KIAA1328: variants seen among roughly 807,000 people sequenced by gnomAD.
KIAA1328 encodes KIAA1328, also known as protein hinderin.
Under a neutral mutation model 68.1 loss-of-function variants are expected in KIAA1328, and 52 were observed. That is an observed-to-expected ratio of 0.76 (90% CI 0.61 to 0.96). The LOEUF is 0.96. Among genes scored for constraint, KIAA1328 ranks in the 40% least tolerant of loss-of-function variants. KIAA1328 has a pLI of 0.00. For missense variants in KIAA1328, 641 were observed against 677.6 expected (o/e 0.95, Z 0.60); for synonymous variants, 232 against 239.4 (o/e 0.97, Z 0.28).
intron 7 of KIAA1328, among the ~76,000 whole-genome samples, chr18:37,124,118 C>G (rs900547795): frequency 2.6e-5 from 4 of 152,166 alleles, no homozygotes; most frequent in African/African-American, 9.6e-5. Context: ...CCAGTTTCTT[C>G]TCCAGAATGC....
chr18:36,922,935 T>A (rs1434179721), intron 5 of KIAA1328, among the ~76,000 whole-genome samples: 1 of 152,168 alleles, frequency 6.6e-6, no homozygotes, highest in Non-Finnish European at 1.5e-5. Flanking sequence ...AGGTAATGTT[T>A]GCAAGGTATT....
intron 6 of KIAA1328, among the ~76,000 whole-genome samples, chr18:36,997,954 C>T (rs2151438930): frequency 1.3e-5 from 2 of 152,144 alleles, no homozygotes; most frequent in East Asian, 3.9e-4. Flanking sequence ...CACCCACTGG[C>T]TTAGGTTGTG....
chr18:37,027,854 C>T (rs2054652159), intron 6 of KIAA1328, among the ~76,000 whole-genome samples: 1 of 152,026 alleles, frequency 6.6e-6, no homozygotes, highest in Non-Finnish European at 1.5e-5. Flanking sequence ...CAACAAAAGC[C>T]AAAATTGACA....
At chr18:36,854,295 AGTT>A (rs1047185535) in intron 4 of KIAA1328, among the ~76,000 whole-genome samples, 1 of 152,196 alleles carries the variant, frequency 6.6e-6, no homozygotes, top group African/African-American at 2.4e-5. Context: ...AATAAGTTTC[AGTT>A]GTTCAGGCTA....
intron 6 of KIAA1328, among the ~76,000 whole-genome samples, chr18:36,972,069 A>G (rs897692405): frequency 6.6e-6 from 1 of 152,252 alleles, no homozygotes; most frequent in East Asian, 1.9e-4. Flanking sequence ...ATAAGAATGG[A>G]TATATTAATC....
intron 9 of KIAA1328, among the ~76,000 whole-genome samples, chr18:37,178,646 G>A (rs1004621914): frequency 1.3e-5 from 2 of 152,018 alleles, no homozygotes; most frequent in African/African-American, 4.8e-5. Context: ...GTAATTTTTT[G>A]AGGAGCATCC....
intron 5 of KIAA1328, among the ~76,000 whole-genome samples, chr18:36,910,608 C>CT (rs1354252412): frequency 6.6e-6 from 1 of 151,964 alleles, no homozygotes; most frequent in Non-Finnish European, 1.5e-5. Flanking sequence ...AATGTGGGCT[C>CT]TTTTTTTGGT....
chr18:37,049,443 G>GT (rs989407987), intron 6 of KIAA1328, among the ~76,000 whole-genome samples: 8 of 151,950 alleles, frequency 5.3e-5, no homozygotes, highest in East Asian at 3.9e-4. Flanking sequence ...ATCTTCCCTT[G>GT]TTTTTTTTAC....
chr18:37,035,803 C>A lies in KIAA1328; in HGVS notation c.577-31087C>A, dbSNP rs1465733540. On this transcript the variant is annotated intron_variant, in intron 6 of 9. Coordinates refer to ENST00000280020, the MANE Select transcript of KIAA1328 (RefSeq NM_020776.3). ...TTTTCAGCACACACAATAAAAGAGT[C>A]CTTTAAGCTTAAAAGGGTTATAAAA... Among the ~76,000 whole-genome samples the A allele has an allele frequency of 2.0e-5, 3 of 152,254 alleles. No homozygotes were observed. In the East Asian group the frequency reaches 5.8e-4, roughly 29 times the overall value.
chr18:37,049,090 G>A (rs777381437), intron 6 of KIAA1328, among the ~76,000 whole-genome samples: 4 of 152,102 alleles, frequency 2.6e-5, no homozygotes, highest in Admixed American at 6.5e-5. Flanking sequence ...TGGGGATAAC[G>A]CAATGAATAA....
intron 7 of KIAA1328, among the ~76,000 whole-genome samples, chr18:37,102,037 A>G (rs2057634085): frequency 6.6e-6 from 1 of 152,218 alleles, no homozygotes; most frequent in Non-Finnish European, 1.5e-5. Flanking sequence ...CCAAAACCAG[A>G]TGAAGCTACA....
At chr18:36,919,237 C>T (rs151030929) in intron 5 of KIAA1328, among the ~76,000 whole-genome samples, 1 of 152,228 alleles carries the variant, frequency 6.6e-6, no homozygotes, top group African/African-American at 2.4e-5. Context: ...GGTCACAAAA[C>T]TCTCTTATGG....
chr18:36,914,979 T>G (rs1387479697), intron 5 of KIAA1328, among the ~76,000 whole-genome samples: 1 of 152,202 alleles, frequency 6.6e-6, no homozygotes, highest in East Asian at 1.9e-4. Context: ...TTATCCTGGA[T>G]TGGTAAGGAG....
chr18:37,193,239 A>C (rs2059940897), intron 9 of KIAA1328, among the ~76,000 whole-genome samples: 1 of 152,302 alleles, frequency 6.6e-6, no homozygotes, highest in East Asian at 1.9e-4. Context: ...ACAGGCCTAC[A>C]GTCCCTCATC....
At chr18:36,973,686 A>G (rs191626034) in intron 6 of KIAA1328, among the ~76,000 whole-genome samples, 51 of 152,168 alleles carry the variant, frequency 3.4e-4, no homozygotes, top group African/African-American at 1.2e-3. Flanking sequence ...TACAAGTCTC[A>G]GAGTAGTTGA....
intron 7 of KIAA1328, among the ~76,000 whole-genome samples, chr18:37,154,275 T>TC (rs147623837): frequency 6.6e-6 from 1 of 152,254 alleles, no homozygotes; most frequent in Non-Finnish European, 1.5e-5. Context: ...TATTAAAAAT[T>TC]CCCCAGATTA....
intron 8 of KIAA1328, among the ~76,000 whole-genome samples, chr18:37,163,862 A>G (rs188128292): frequency 5.5e-4 from 84 of 152,362 alleles, no homozygotes; most frequent in Non-Finnish European, 1.8e-4. Flanking sequence ...CAGAAATCTC[A>G]GCTGAAGATA....
intron 4 of KIAA1328, among the ~76,000 whole-genome samples, chr18:36,865,170 G>C (rs1393349218): frequency 6.6e-6 from 1 of 150,842 alleles, no homozygotes; most frequent in Non-Finnish European, 1.5e-5. Flanking sequence ...AGCATTTAAT[G>C]CTATATACCT....
chr18:36,965,336 C>G (rs1010717565), intron 6 of KIAA1328, among the ~76,000 whole-genome samples: 5 of 151,866 alleles, frequency 3.3e-5, no homozygotes, highest in African/African-American at 9.6e-5. Flanking sequence ...GGTCAAGAAT[C>G]TGAAATGTAC....
Sources: gnomAD v4.1 joint callset for allele counts (sites outside exome capture counted in the v4.1 genomes callset) on GRCh38, gnomAD v4.1.1 for gene constraint, MANE v1.5 for transcripts, NCBI Gene and HGNC (gene_info 2026-07-23, HGNC 2026-07-21) for gene names.